Variants in ADGRL2 observed in about 807,000 individuals in gnomAD.
ADGRL2 encodes the protein adhesion G protein-coupled receptor L2, also known as calcium-independent alpha-latrotoxin receptor 2.
ADGRL2 carries 44 observed loss-of-function variants against 157.4 expected under a neutral mutation model. The observed-to-expected ratio is 0.28, with a 90% CI of 0.22 to 0.36. The LOEUF (loss-of-function observed/expected upper bound fraction) is 0.36, where lower values mean the gene tolerates loss of function less well. Ranked by LOEUF, ADGRL2 falls within the 10% of genes least tolerant of loss-of-function variation. The pLI is 1.00. For synonymous variants in ADGRL2, 585 were observed against 624.7 expected (o/e 0.94, Z 0.95); for missense variants, 1,510 against 1,768.9 (o/e 0.85, Z 2.63).
intron 2 of ADGRL2, among the ~76,000 whole-genome samples, chr1:81,461,930 A>AGGGGG (rs71693648): frequency 4.5e-5 from 3 of 67,274 alleles, no homozygotes; most frequent in Non-Finnish European, 6.7e-5. Flanking sequence ...AAAAGAAGAA[A>AGGGGG]GGGGGGGGGG....
intron 3 of ADGRL2, among the ~76,000 whole-genome samples, chr1:81,610,322 C>T (rs1194353307): frequency 2.1e-5 from 3 of 146,214 alleles, no homozygotes; most frequent in African/African-American, 7.7e-5. Context: ...GTTTAGAGAG[C>T]AGCTAGACTT....
At chr1:81,864,183 A>G (rs2093467022) in intron 2 of ADGRL2, among the ~76,000 whole-genome samples, 1 of 152,184 alleles carries the variant, frequency 6.6e-6, no homozygotes, top group South Asian at 2.1e-4. Context: ...AAGTTTCAAT[A>G]TATTTCATGG....
intron 2 of ADGRL2, among the ~76,000 whole-genome samples, chr1:81,542,590 G>A (rs1353756310): frequency 1.3e-5 from 2 of 152,152 alleles, no homozygotes. Flanking sequence ...GCTCTAATTT[G>A]CAAGACATTT....
chr1:81,729,911 T>C (rs113431304), intron 1 of ADGRL2, among the ~76,000 whole-genome samples: 1 of 152,208 alleles, frequency 6.6e-6, no homozygotes, highest in Admixed American at 6.5e-5. Flanking sequence ...CCTATTCAGA[T>C]ATATCCTCAA....
intron 17 of ADGRL2, among the ~76,000 whole-genome samples, chr1:81,975,870 GAAGT>G (rs1660071520): frequency 3.3e-5 from 5 of 151,930 alleles, no homozygotes; most frequent in African/African-American, 1.2e-4. Context: ...AAACAAGAAA[GAAGT>G]AAGAAAGGGG....
At chr1:81,661,059 C>G (rs1022428413) in intron 3 of ADGRL2, among the ~76,000 whole-genome samples, 1 of 152,166 alleles carries the variant, frequency 6.6e-6, no homozygotes, top group Admixed American at 6.5e-5. Flanking sequence ...ATTTTAACTA[C>G]TATGTTTAAT....
intron 1 of ADGRL2, among the ~76,000 whole-genome samples, chr1:81,391,150 A>T (rs1014571882): frequency 6.6e-6 from 1 of 152,306 alleles, no homozygotes; most frequent in African/African-American, 2.4e-5. Flanking sequence ...AAATGCCCTT[A>T]TCTGAAACTC....
At chr1:81,684,452 T>G (rs1198159378) in intron 3 of ADGRL2, among the ~76,000 whole-genome samples, 1 of 152,214 alleles carries the variant, frequency 6.6e-6, no homozygotes, top group Admixed American at 6.5e-5. Context: ...TGTCTATTCA[T>G]GTCCTTAGCC....
Position 81,570,762 on chromosome 1 carries a change from A to G in ADGRL2, c.-247-10114A>G, listed in dbSNP as rs1466564292. Among the ~76,000 whole-genome samples the G allele has an allele frequency of 3.9e-5, 6 of 152,168 alleles. No individual in the cohort carries two copies. The East Asian group carries it at 1.2e-3, about 29-fold the overall frequency. On this transcript the variant is annotated intron_variant, in intron 2 of 24. Transcript: ENST00000370721. ...TATTCAAATATAGAAACAAAATCATATCCAAAGAGAGATCTTTAATTTTTT... is the reference window on the plus strand; with the variant it reads ...TATTCAAATATAGAAACAAAATCATGTCCAAAGAGAGATCTTTAATTTTTT...
intron 2 of ADGRL2, among the ~76,000 whole-genome samples, chr1:81,579,992 T>C (rs1355603859): frequency 6.6e-6 from 1 of 152,194 alleles, no homozygotes; most frequent in Non-Finnish European, 1.5e-5. Context: ...CTATTCAAAC[T>C]GCTTAAAATA....
chr1:81,497,158 C>G (rs1301490803), intron 2 of ADGRL2, among the ~76,000 whole-genome samples: 1 of 152,118 alleles, frequency 6.6e-6, no homozygotes, highest in South Asian at 2.1e-4. Context: ...TAGAAAACTG[C>G]CAGTTTTCTT....
chr1:81,317,489 T>A (rs1202312351), intron 1 of ADGRL2, among the ~76,000 whole-genome samples: 2 of 152,182 alleles, frequency 1.3e-5, no homozygotes, highest in Non-Finnish European at 2.9e-5. Context: ...CTTTTCTATA[T>A]CCCATTCTAG....
chr1:81,782,281 T>C (rs1486383905), intron 2 of ADGRL2, among the ~76,000 whole-genome samples: 12 of 152,186 alleles, frequency 7.9e-5, no homozygotes, highest in Admixed American at 6.5e-4. Context: ...CTTCTTCTTA[T>C]TGAATTAAAT....
Position 81,440,319 on chromosome 1 carries a change from A to G in ADGRL2, c.-301-4717A>G, listed in dbSNP as rs115607141. 3.5e-3 allele frequency among the ~76,000 whole-genome samples: 537 copies of G among 152,312 alleles called. 5 individuals carry two copies. Among genetic ancestry groups the G allele is most frequent in the African/African-American group, 0.013 (520 of 41,578 alleles). ...AAGCATTTGGCTGCTTCCTGTAGCT[A>G]TCACTACTTCACGTTGTGAAAATTA... On this transcript the variant is annotated intron_variant, in intron 1 of 24. Coordinates refer to the ADGRL2 transcript ENST00000370721.
intron 3 of ADGRL2, among the ~76,000 whole-genome samples, chr1:81,665,306 A>T (rs2082731292): frequency 6.6e-6 from 1 of 152,192 alleles, no homozygotes; most frequent in Non-Finnish European, 1.5e-5. Flanking sequence ...TCCTGATATC[A>T]GTTGCATTTT....
intron 1 of ADGRL2, among the ~76,000 whole-genome samples, chr1:81,760,075 G>A (rs1486728732): frequency 6.6e-6 from 1 of 152,086 alleles, no homozygotes; most frequent in Non-Finnish European, 1.5e-5. Flanking sequence ...AATCAATGAA[G>A]TAGGAAAGTC....
chr1:81,476,926 AC>A (rs1294078353), intron 2 of ADGRL2, among the ~76,000 whole-genome samples: 17 of 152,178 alleles, frequency 1.1e-4, no homozygotes, highest in African/African-American at 3.6e-4. Flanking sequence ...ACCCACATTT[AC>A]CTGCCTAGTC....
intron 1 of ADGRL2, among the ~76,000 whole-genome samples, chr1:81,315,867 A>G (rs1660072012): frequency 6.6e-6 from 1 of 152,186 alleles, no homozygotes; most frequent in Non-Finnish European, 1.5e-5. Flanking sequence ...GCTAAGTTGC[A>G]GTATATATTT....
At chr1:81,823,768 G>A (rs74925698) in intron 1 of ADGRL2, among the ~76,000 whole-genome samples, 7,171 of 152,056 alleles carry the variant, frequency 0.047, 500 homozygotes, top group African/African-American at 0.15. Flanking sequence ...TGGCAGAGGA[G>A]ATTCCAGGCA....
Sources: allele counts gnomAD v4.1 joint callset (sites outside exome capture counted in the v4.1 genomes callset), GRCh38; gene constraint gnomAD v4.1.1; transcripts MANE v1.5; gene names NCBI Gene and HGNC (gene_info 2026-07-23, HGNC 2026-07-21).